Variants in SRPK2 observed in about 807,000 individuals in gnomAD.
SRPK2 encodes the protein SRSF protein kinase 2, also known as SFRS protein kinase 2.
A neutral mutation model predicts 90.8 loss-of-function variants in SRPK2; 21 were observed. That is an observed-to-expected ratio of 0.23 (90% CI 0.16 to 0.33). SRPK2 has a LOEUF of 0.33. Among genes scored for constraint, SRPK2 ranks in the 10% least tolerant of loss-of-function variants. The pLI, the probability that SRPK2 is intolerant of heterozygous loss-of-function variation, is 1.00. For missense variants in SRPK2, 620 were observed against 869.0 expected, an observed-to-expected ratio of 0.71 and a Z score of 3.60; for synonymous variants, 288 against 311.1, an observed-to-expected ratio of 0.93 and a Z score of 0.78.
At chr7:105,127,467 G>A (rs1801365558) in intron 13 of SRPK2, among the ~76,000 whole-genome samples, 2 of 152,230 alleles carry the variant, frequency 1.3e-5, no homozygotes, top group African/African-American at 4.8e-5. Context: ...CTGTATAGCA[G>A]ACACTGCTGC....
At chr7:105,205,809 T>G in intron 2 of SRPK2, 1 of 439,308 alleles carries the variant, frequency 2.3e-6, no homozygotes, top group African/African-American at 2.0e-5. Flanking sequence ...AACCCACTCT[T>G]CAGGGGTGTG....
At chr7:105,183,488 T>C (rs1793156349) in intron 3 of SRPK2, among the ~76,000 whole-genome samples, 1 of 152,058 alleles carries the variant, frequency 6.6e-6, no homozygotes, top group Non-Finnish European at 1.5e-5. Flanking sequence ...TGTTTGTTTG[T>C]CTATTTTTGT....
intron 2 of SRPK2, among the ~76,000 whole-genome samples, chr7:105,331,176 G>A (rs1340405854): frequency 2.6e-5 from 4 of 151,506 alleles, no homozygotes; most frequent in Non-Finnish European, 4.4e-5. Flanking sequence ...GGGTGTGGTG[G>A]TGCATGACTG....
At chr7:105,321,986 T>G (rs1414134374) in intron 2 of SRPK2, among the ~76,000 whole-genome samples, 1 of 152,156 alleles carries the variant, frequency 6.6e-6, no homozygotes, top group Non-Finnish European at 1.5e-5. Context: ...TCAAATAATA[T>G]GTACACCCAT....
intron 3 of SRPK2, among the ~76,000 whole-genome samples, chr7:105,195,012 C>G (rs1365521478): frequency 6.6e-6 from 1 of 152,208 alleles, no homozygotes; most frequent in Non-Finnish European, 1.5e-5. Flanking sequence ...ATACTGCTGA[C>G]ATTTTGGCAC....
intron 3 of SRPK2, 49 bp from the exon 4 acceptor site, chr7:105,169,314 G>A (rs368620458): frequency 1.4e-6 from 2 of 1,379,908 alleles, no homozygotes; most frequent in Non-Finnish European, 2.1e-6. Context: ...TCGAAAAGTA[G>A]TAATAAACAT....
chr7:105,389,059 G>T, upstream of SRPK2: 1 of 407,340 alleles, frequency 2.5e-6, no homozygotes, highest in South Asian at 1.0e-4. Context: ...CCGCGCCCCC[G>T]CCCCACCCAC....
At chr7:105,163,052 T>C (rs567211399) in intron 6 of SRPK2, among the ~76,000 whole-genome samples, 1 of 152,338 alleles carries the variant, frequency 6.6e-6, no homozygotes, top group African/African-American at 2.4e-5. Flanking sequence ...CGAGGTAACA[T>C]TAGCAGCCAC....
intron 2 of SRPK2, among the ~76,000 whole-genome samples, chr7:105,260,454 C>A (rs1327652484): frequency 6.6e-6 from 1 of 152,170 alleles, no homozygotes; most frequent in Non-Finnish European, 1.5e-5. Flanking sequence ...ATTAGTTCAA[C>A]CATTGTGGAA....
At chr7:105,132,727 C>T (rs1584898568) in intron 13 of SRPK2, 64 bp downstream of exon 13, 1 of 1,320,862 alleles carries the variant, frequency 7.6e-7, no homozygotes, top group Non-Finnish European at 1.1e-6. Context: ...GAGACTCAGC[C>T]CCATCCAGAG....
downstream of SRPK2, among the ~76,000 whole-genome samples, chr7:105,114,778 A>AAATT (rs780890824): frequency 2.6e-5 from 4 of 152,166 alleles, no homozygotes; most frequent in Non-Finnish European, 5.9e-5. Context: ...TTCCTTTTGA[A>AAATT]AATTAGCTAA....
At chr7:105,124,051 C>T (rs1044724404) in intron 15 of SRPK2, among the ~76,000 whole-genome samples, 1 of 152,250 alleles carries the variant, frequency 6.6e-6, no homozygotes, top group Non-Finnish European at 1.5e-5. Flanking sequence ...TACACATCCA[C>T]AAGCTGTCTC....
intron 2 of SRPK2, among the ~76,000 whole-genome samples, chr7:105,251,539 G>C (rs777104481): frequency 1.9e-4 from 29 of 152,100 alleles, no homozygotes; most frequent in Non-Finnish European, 3.5e-4. Context: ...GGGCTGAACA[G>C]CAACAACAAA....
At chr7:105,140,701 G>A (rs759060810) in intron 11 of SRPK2, among the ~76,000 whole-genome samples, 7 of 152,054 alleles carry the variant, frequency 4.6e-5, no homozygotes, top group Non-Finnish European at 7.4e-5. Context: ...GGTGGCTCAC[G>A]CCTGTAATCC....
chr7:105,311,368 G>C (rs1015585706), intron 2 of SRPK2, among the ~76,000 whole-genome samples: 2 of 152,100 alleles, frequency 1.3e-5, no homozygotes, highest in Non-Finnish European at 1.5e-5. Flanking sequence ...GAGTAACTGG[G>C]ACTAGTGGCA....
chr7:105,297,053 A>G (rs1413166364), intron 2 of SRPK2, among the ~76,000 whole-genome samples: 2 of 152,314 alleles, frequency 1.3e-5, no homozygotes, highest in African/African-American at 4.8e-5. Flanking sequence ...CTAGACACTA[A>G]GAATACTTAG....
chr7:105,353,435 G>A (rs1817434602), intron 2 of SRPK2, among the ~76,000 whole-genome samples: 1 of 152,090 alleles, frequency 6.6e-6, no homozygotes, highest in African/African-American at 2.4e-5. Context: ...GACCTCCTGG[G>A]CTCAAGCAAT....
At chr7:105,247,002 C>G (rs1801755202) in intron 2 of SRPK2, among the ~76,000 whole-genome samples, 2 of 152,180 alleles carry the variant, frequency 1.3e-5, no homozygotes, top group Non-Finnish European at 2.9e-5. Context: ...CCTAGTTCTA[C>G]TGGAGTGGGC....
chr7:105,245,064 C>CACACAT (rs1801443339), intron 2 of SRPK2: 14 of 656,906 alleles, frequency 2.1e-5, no homozygotes, highest in South Asian at 3.3e-5. Context: ...CACACACACA[C>CACACAT]ACACACACAC....
Sources: gnomAD v4.1 joint callset for allele counts (sites outside exome capture counted in the v4.1 genomes callset) on GRCh38, gnomAD v4.1.1 for gene constraint, MANE v1.5 for transcripts, NCBI Gene and HGNC (gene_info 2026-07-23, HGNC 2026-07-21) for gene names.